The following RHOJ variants were observed in gnomAD, a reference collection of about 807,000 sequenced individuals.
RHOJ encodes the protein ras homolog family member J, also known as rho-related GTP-binding protein RhoJ.
A neutral mutation model predicts 23.4 loss-of-function variants in RHOJ; 11 were observed. That is an observed-to-expected ratio of 0.47 (90% CI 0.30 to 0.78). The LOEUF is 0.78. Ranked by LOEUF, RHOJ falls within the 30% of genes least tolerant of loss-of-function variation. RHOJ has a pLI of 0.08. For missense variants in RHOJ, 254 were observed against 273.4 expected (o/e 0.93, Z 0.50); for synonymous variants, 102 against 102.7 (o/e 0.99, Z 0.04).
chr14:63,264,268 G>C (rs1895327491), intron 1 of RHOJ, among the ~76,000 whole-genome samples: 1 of 151,748 alleles, frequency 6.6e-6, no homozygotes, highest in Non-Finnish European at 1.5e-5. Context: ...AGAACATGCA[G>C]TATTTGGTTT....
At chr14:63,275,562 G>T in intron 2 of RHOJ, among the ~76,000 whole-genome samples, 1 of 152,074 alleles carries the variant, frequency 6.6e-6, no homozygotes, top group East Asian at 1.9e-4. Flanking sequence ...ACATGTTCTT[G>T]CCTTCAGGGT....
rs528800123 is a variant in RHOJ at position 63,206,142 on chromosome 14, C to T, written c.178+1095C>T. ...CCTTCTATAGAAAGTAGCTTCTTTTCCAGAACTAAGCCATCACCTAAGTCA... is the reference window on the plus strand; with the variant it reads ...CCTTCTATAGAAAGTAGCTTCTTTTTCAGAACTAAGCCATCACCTAAGTCA... On this transcript the variant is annotated intron_variant, in intron 1 of 4. Coordinates refer to ENST00000316754, the MANE Select transcript of RHOJ (RefSeq NM_020663.5). Among the ~76,000 whole-genome samples the T allele has an allele frequency of 3.5e-3, 533 of 152,266 alleles. 2 individuals carry two copies. Among genetic ancestry groups the T allele is most frequent in the African/African-American group, 0.011 (461 of 41,554 alleles).
At chr14:63,248,777 CAT>C (rs1057328039) in intron 1 of RHOJ, among the ~76,000 whole-genome samples, 12 of 152,210 alleles carry the variant, frequency 7.9e-5, no homozygotes, top group African/African-American at 2.7e-4. Flanking sequence ...AAACATCACT[CAT>C]ATGACATCTT....
chr14:63,221,665 C>G (rs1894496536), intron 1 of RHOJ, among the ~76,000 whole-genome samples: 1 of 152,122 alleles, frequency 6.6e-6, no homozygotes, highest in Non-Finnish European at 1.5e-5. Flanking sequence ...TTAAACTAGA[C>G]AGTTTGAATA....
chr14:63,261,217 A>G (rs2139648991), intron 1 of RHOJ, among the ~76,000 whole-genome samples: 1 of 152,068 alleles, frequency 6.6e-6, no homozygotes, highest in African/African-American at 2.4e-5. Context: ...AATTGTCTAT[A>G]TTCTTTCTTT....
chr14:63,283,891 T>C (rs1462764289), intron 4 of RHOJ, among the ~76,000 whole-genome samples: 1 of 152,164 alleles, frequency 6.6e-6, no homozygotes, highest in East Asian at 1.9e-4. Context: ...ACCAAGTCTT[T>C]GCCTCCCCCA....
In RHOJ at chr14:63,241,200, T is replaced by C. The variant is rs138919358; in HGVS notation, c.179-27910T>C. Among the ~76,000 whole-genome samples the C allele has an allele frequency of 2.0e-4, 31 of 152,292 alleles. No individual in the cohort carries two copies. The East Asian group carries it at 5.6e-3, about 28-fold the overall frequency. The stretch of plus-strand genomic sequence containing the variant: ...TCCATGGTCATTGAAGTCTACGTTT[T>C]TGTAATGTGGATTTTAAGCAGGGAG... On this transcript the variant is annotated intron_variant, in intron 1 of 4. Transcript: ENST00000316754.
intron 1 of RHOJ, among the ~76,000 whole-genome samples, chr14:63,225,198 G>T (rs955723808): frequency 6.6e-6 from 1 of 151,994 alleles, no homozygotes; most frequent in Admixed American, 6.5e-5. Flanking sequence ...TGATCTGTCC[G>T]CCTCGGCCTC....
At chr14:63,219,913 G>A (rs1329588787) in intron 1 of RHOJ, among the ~76,000 whole-genome samples, 1 of 152,064 alleles carries the variant, frequency 6.6e-6, no homozygotes, top group Non-Finnish European at 1.5e-5. Flanking sequence ...TAAGAGAAAG[G>A]CAGCAGTACA....
chr14:63,230,692 TACACACACACACAC>T (rs58916971), intron 1 of RHOJ, among the ~76,000 whole-genome samples: 12 of 148,854 alleles, frequency 8.1e-5, no homozygotes, highest in Middle Eastern at 3.4e-3. Context: ...CACACATATG[TACACACACACACAC>T]ACACACACAC....
rs181208726 is a variant in RHOJ at position 63,218,200 on chromosome 14, A to G, written c.178+13153A>G. ...ATTAATATCATTGTGGGATCTTCAT[A>G]TAAGTTCAAGAGACCACATGGCACC... On this transcript the variant is annotated intron_variant, in intron 1 of 4. Coordinates refer to ENST00000316754, the MANE Select transcript of RHOJ (RefSeq NM_020663.5). Among the ~76,000 whole-genome samples the G allele has an allele frequency of 5.2e-4, 79 of 152,304 alleles. No individual in the cohort carries two copies. In the East Asian group the frequency reaches 0.014, roughly 27 times the overall value.
chr14:63,251,812 T>C (rs1054312222), intron 1 of RHOJ, among the ~76,000 whole-genome samples: 1 of 152,188 alleles, frequency 6.6e-6, no homozygotes, highest in Non-Finnish European at 1.5e-5. Context: ...CTTATTATTA[T>C]CTTATAATTT....
At chr14:63,223,988 A>T (rs1383819462) in intron 1 of RHOJ, among the ~76,000 whole-genome samples, 1 of 152,180 alleles carries the variant, frequency 6.6e-6, no homozygotes, top group Non-Finnish European at 1.5e-5. Context: ...GTATTTAGGA[A>T]ATAACCTGTC....
intron 1 of RHOJ, among the ~76,000 whole-genome samples, chr14:63,249,082 GCAAA>G (rs1431733532): frequency 1.3e-5 from 2 of 152,180 alleles, no homozygotes; most frequent in Non-Finnish European, 2.9e-5. Flanking sequence ...GCCCATTCTT[GCAAA>G]CAGTCAGAGC....
intron 1 of RHOJ, among the ~76,000 whole-genome samples, chr14:63,228,476 G>T (rs946578370): frequency 2.6e-5 from 4 of 152,050 alleles, no homozygotes; most frequent in Non-Finnish European, 5.9e-5. Context: ...TTCCATAAAG[G>T]ATGACACACT....
chr14:63,230,597 C>CTAATCA (rs1193720192), intron 1 of RHOJ, among the ~76,000 whole-genome samples: 1 of 152,010 alleles, frequency 6.6e-6, no homozygotes, highest in East Asian at 1.9e-4. Context: ...AAGATCTTCC[C>CTAATCA]TAATCATGCT....
At chr14:63,254,842 T>C (rs1895134941) in intron 1 of RHOJ, among the ~76,000 whole-genome samples, 1 of 152,262 alleles carries the variant, frequency 6.6e-6, no homozygotes, top group African/African-American at 2.4e-5. Flanking sequence ...TTTAAAATTA[T>C]GTCAGAGAAC....
intron 1 of RHOJ, among the ~76,000 whole-genome samples, chr14:63,224,350 G>A (rs970355593): frequency 1.3e-5 from 2 of 152,168 alleles, no homozygotes; most frequent in African/African-American, 2.4e-5. Context: ...GCTCAGAACT[G>A]GAGGTCTCTG....
chr14:63,290,923 G>T lies in RHOJ; in HGVS notation c.544G>T (p.Gly182Cys), dbSNP rs747231540. The T allele has an allele frequency of 1.2e-6, 2 of 1,614,016 alleles. No individual in the cohort carries two copies. Among genetic ancestry groups the T allele is most frequent in the Non-Finnish European group, 8.5e-7 (1 of 1,179,982 alleles). The change falls in exon 5 of 5, where the codon GGT (glycine) becomes TGT (cysteine). Residue 182 changes from glycine to cysteine, a missense_variant. Coordinates refer to ENST00000316754, the MANE Select transcript of RHOJ (RefSeq NM_020663.5). ...YLECSALTQKGLKAVFDEAIL... is the reference protein window; with the variant it reads ...YLECSALTQKCLKAVFDEAIL... Reference sequence around the variant, plus strand: ...GGAATGTTCAGCTCTGACTCAGAAAGGTCTCAAAGCGGTTTTTGATGAAGC... The same window carrying T: ...GGAATGTTCAGCTCTGACTCAGAAATGTCTCAAAGCGGTTTTTGATGAAGC...
Sources: gnomAD v4.1 joint callset for allele counts (sites outside exome capture counted in the v4.1 genomes callset) on GRCh38, gnomAD v4.1.1 for gene constraint, MANE v1.5 for transcripts, NCBI Gene and HGNC (gene_info 2026-07-23, HGNC 2026-07-21) for gene names.